LRRFIP1: variants seen among roughly 807,000 people sequenced by gnomAD.
LRRFIP1 encodes leucine-rich repeat flightless-interacting protein 1.
LRRFIP1 carries 62 observed loss-of-function variants against 104.4 expected under a neutral mutation model. That is an observed-to-expected ratio of 0.59 (90% confidence interval 0.48 to 0.73). LRRFIP1 has a LOEUF of 0.73. LRRFIP1 is among the 30% of genes least tolerant of loss of function. The pLI is 0.00. For missense variants in LRRFIP1, 796 were observed against 824.5 expected, an observed-to-expected ratio of 0.97 and a Z score of 0.42; for synonymous variants, 300 against 299.0, an observed-to-expected ratio of 1.00 and a Z score of -0.03.
intron 11 of LRRFIP1, among the ~76,000 whole-genome samples, chr2:237,740,103 C>T (rs1323993260): frequency 2.0e-5 from 3 of 152,068 alleles, no homozygotes; most frequent in East Asian, 3.9e-4. Context: ...CGTCTCCACT[C>T]ATATCAAAAT....
At chr2:237,752,328 C>T (rs918883564) in intron 14 of LRRFIP1, among the ~76,000 whole-genome samples, 3 of 152,242 alleles carry the variant, frequency 2.0e-5, no homozygotes, top group Non-Finnish European at 2.9e-5. Flanking sequence ...ATCACTTGAA[C>T]CTGGCAGGTG....
At position 237,708,147 on chromosome 2, in the gene LRRFIP1, C is replaced by A. The variant is rs555792327; in HGVS notation, c.97-397C>A. On this transcript the variant is annotated intron_variant, in intron 1 of 23. Transcript: ENST00000308482. ...ACTCTGCTCCATGCATCTGTCAGAG[C>A]TCCAGAAGGAGGCTGACTGCCCAGC... is the stretch of plus-strand genomic sequence containing the variant. Among the ~76,000 whole-genome samples, 40 of 152,338 alleles carry A rather than the reference C, an allele frequency of 2.6e-4. No homozygotes were observed. The South Asian group carries it at 7.9e-3, about 30-fold the overall frequency.
chr2:237,650,606 A>C (rs60188845), intron 1 of LRRFIP1, among the ~76,000 whole-genome samples: 2,017 of 152,342 alleles, frequency 0.013, 39 homozygotes, highest in African/African-American at 0.046. Context: ...CTGTAGGAGC[A>C]GCAGACCAGC....
At chr2:237,777,382 C>A (rs944635223) in intron 23 of LRRFIP1, among the ~76,000 whole-genome samples, 11 of 152,000 alleles carry the variant, frequency 7.2e-5, no homozygotes, top group African/African-American at 2.2e-4. Context: ...TGTAGAAATT[C>A]TTTTAGAGCA....
intron 1 of LRRFIP1, chr2:237,692,568 G>A: frequency 1.4e-6 from 2 of 1,473,280 alleles, no homozygotes; most frequent in Non-Finnish European, 1.8e-6. Flanking sequence ...CTGCGGCGGG[G>A]TTTCAGGGGC....
chr2:237,678,356 G>A (rs552187464), intron 1 of LRRFIP1, among the ~76,000 whole-genome samples: 23 of 152,284 alleles, frequency 1.5e-4, no homozygotes, highest in African/African-American at 4.8e-4. Flanking sequence ...TACACAGCAG[G>A]CTGTGCAGAG....
intron 1 of LRRFIP1, among the ~76,000 whole-genome samples, chr2:237,699,517 T>C (rs943922602): frequency 6.6e-6 from 1 of 152,050 alleles, no homozygotes; most frequent in African/African-American, 2.4e-5. Context: ...CATGCCCGGC[T>C]AATTTTGTAT....
At chr2:237,756,043 A>G in intron 15 of LRRFIP1, 52 bp from the exon 16 acceptor site, 2 of 1,258,256 alleles carry the variant, frequency 1.6e-6, no homozygotes, top group Non-Finnish European at 1.2e-6. Context: ...CTGAACTGGC[A>G]TGCCAGAAAC....
chr2:237,761,363 T>C (rs938374232), intron 19 of LRRFIP1, among the ~76,000 whole-genome samples: 6 of 152,366 alleles, frequency 3.9e-5, no homozygotes, highest in East Asian at 1.9e-4. Flanking sequence ...CGTCTCTAGA[T>C]AGGTATGTAG....
chr2:237,726,181 T>C (rs2094741165), intron 7 of LRRFIP1, among the ~76,000 whole-genome samples: 1 of 152,230 alleles, frequency 6.6e-6, no homozygotes, highest in East Asian at 1.9e-4. Flanking sequence ...TCAGAAATGT[T>C]TTAATGTTAC....
rs74001236 is a variant in LRRFIP1, at chr2:237,666,622, C to A, written c.96+38882C>A. 2.2e-3 allele frequency among the ~76,000 whole-genome samples: 328 copies of A among 151,578 alleles called. 4 individuals are homozygous for A. The East Asian group carries it at 0.025, about 12-fold the overall frequency. On this transcript the variant is annotated intron_variant, in intron 1 of 23. Coordinates refer to ENST00000308482, the MANE Select transcript of LRRFIP1 (RefSeq NM_001137550.2). ...AGGCCCTGAGAGGTCTCGGTGGTGACGGGTTGCAGGCAAGAGGAGTGAAGC... is the reference window on the plus strand; with the variant it reads ...AGGCCCTGAGAGGTCTCGGTGGTGAAGGGTTGCAGGCAAGAGGAGTGAAGC...
Position 237,629,461 on chromosome 2 carries a change from T to TTTC in LRRFIP1, c.96+1727_96+1729dup, listed in dbSNP as rs1305827944. Among the ~76,000 whole-genome samples the TTTC allele has an allele frequency of 2.8e-4, 38 of 136,846 alleles. 1 individual carries two copies. The highest frequency in any genetic ancestry group is 3.2e-4 in the Non-Finnish European group (20 of 62,188). The allele number at this position is 136,846 out of a possible 152,430, so 89.8% of individuals were successfully genotyped here. On this transcript the variant is annotated intron_variant, in intron 1 of 23. Coordinates refer to ENST00000308482, the MANE Select transcript of LRRFIP1 (RefSeq NM_001137550.2). ...TTTGCCTTTTATCCACTGGTGTTTC[T>TTTC]TTCTTCTTTTTTTTTTTTTTTTTTT...
At chr2:237,666,694 C>A (rs2089314221) in intron 1 of LRRFIP1, among the ~76,000 whole-genome samples, 1 of 151,964 alleles carries the variant, frequency 6.6e-6, no homozygotes, top group Admixed American at 6.6e-5. Context: ...AGAGACATGT[C>A]CTTGACGTCA....
intron 11 of LRRFIP1, among the ~76,000 whole-genome samples, chr2:237,743,904 G>A (rs1017101881): frequency 4.6e-5 from 7 of 152,168 alleles, no homozygotes; most frequent in African/African-American, 1.4e-4. Context: ...CTGGGAACCT[G>A]GTGAAGCCAT....
At chr2:237,699,384 G>T (rs11689700) in intron 1 of LRRFIP1, among the ~76,000 whole-genome samples, 8 of 142,656 alleles carry the variant, frequency 5.6e-5, no homozygotes, top group African/African-American at 2.2e-4. Flanking sequence ...ATGGAATTTC[G>T]CTCTGTCGCC....
chr2:237,662,240 T>C (rs1336175704), intron 1 of LRRFIP1, among the ~76,000 whole-genome samples: 1 of 152,134 alleles, frequency 6.6e-6, no homozygotes, highest in East Asian at 1.9e-4. Context: ...GTGTGCAAAT[T>C]TCTGTTTCCT....
At chr2:237,709,578 TA>T (rs2150033910) in intron 2 of LRRFIP1, among the ~76,000 whole-genome samples, 1 of 152,318 alleles carries the variant, frequency 6.6e-6, no homozygotes, top group African/African-American at 2.4e-5. Flanking sequence ...CAGATTCTCT[TA>T]TGGTGGTTGT....
chr2:237,720,798 A>G lies in LRRFIP1; in HGVS notation c.321A>G (p.Ser107=), dbSNP rs1488894861. 14 of 1,614,026 alleles carry G rather than the reference A, an allele frequency of 8.7e-6. No individual in the cohort carries two copies. Among genetic ancestry groups the G allele is most frequent in the Non-Finnish European group, 1.1e-5 (13 of 1,179,984 alleles). Residue 107 remains serine (S), a synonymous_variant, in exon 6 of 24, where the codon TCA becomes TCG. Transcript: ENST00000308482. ...TSASDEDERM[S]VGSRGSLRSQ... ...CTTCTGATGAAGACGAGCGCATGTCAGTGGGTAGTCGTGGAAGCCTGAGGG... is the reference window on the plus strand; with the variant it reads ...CTTCTGATGAAGACGAGCGCATGTCGGTGGGTAGTCGTGGAAGCCTGAGGG...
chr2:237,637,149 A>AAT (rs1411300768), intron 1 of LRRFIP1, among the ~76,000 whole-genome samples: 1 of 152,222 alleles, frequency 6.6e-6, no homozygotes, highest in Non-Finnish European at 1.5e-5. Context: ...AAAACAAAAA[A>AAT]ATATGAGATT....
Sources: gnomAD v4.1 joint callset for allele counts (sites outside exome capture counted in the v4.1 genomes callset) on GRCh38, gnomAD v4.1.1 for gene constraint, MANE v1.5 for transcripts, NCBI Gene and HGNC (gene_info 2026-07-23, HGNC 2026-07-21) for gene names.